The following SGIP1 variants were observed in gnomAD, a reference collection of about 807,000 sequenced individuals.
SGIP1 encodes SH3-containing GRB2-like protein 3-interacting protein 1.
A neutral mutation model predicts 107.5 loss-of-function variants in SGIP1; 38 were observed. The observed-to-expected ratio is 0.35, with a 90% CI of 0.27 to 0.46. SGIP1 has a LOEUF of 0.46. SGIP1 is among the 20% of genes least tolerant of loss of function. The pLI, the probability that SGIP1 is intolerant of heterozygous loss-of-function variation, is 1.00. For synonymous variants in SGIP1, 365 were observed against 366.1 expected (o/e 1.00, Z 0.03); for missense variants, 929 against 1,019.5 (o/e 0.91, Z 1.21).
At chr1:66,711,799 G>C (rs919240944) in intron 18 of SGIP1, among the ~76,000 whole-genome samples, 2 of 151,948 alleles carry the variant, frequency 1.3e-5, no homozygotes, top group South Asian at 4.1e-4. Flanking sequence ...TTCAGATTGT[G>C]TTTTCAGGGT....
intron 18 of SGIP1, among the ~76,000 whole-genome samples, chr1:66,711,004 T>G (rs897985972): frequency 6.6e-6 from 1 of 152,156 alleles, no homozygotes; most frequent in Non-Finnish European, 1.5e-5. Context: ...GTAAAGCTAT[T>G]AACATAATTT....
chr1:66,670,256 C>T (rs2083470870), intron 9 of SGIP1, among the ~76,000 whole-genome samples: 1 of 152,332 alleles, frequency 6.6e-6, no homozygotes, highest in African/African-American at 2.4e-5. Context: ...AATCCTTTTA[C>T]TATCTAAATA....
At chr1:66,720,828 T>C (rs1346563639) in intron 19 of SGIP1, among the ~76,000 whole-genome samples, 4 of 152,220 alleles carry the variant, frequency 2.6e-5, no homozygotes, top group Non-Finnish European at 5.9e-5. Flanking sequence ...GATAATTAAA[T>C]ATAATTAGAA....
chr1:66,680,295 C>T (rs2149973546), intron 14 of SGIP1, among the ~76,000 whole-genome samples: 1 of 152,332 alleles, frequency 6.6e-6, no homozygotes, highest in Admixed American at 6.5e-5. Flanking sequence ...AATTGCTACA[C>T]ACCTGTAGAC....
At chr1:66,689,106 C>T (rs373067169) in intron 15 of SGIP1, 42 bp from the exon 16 acceptor site, 24 of 1,596,120 alleles carry the variant, frequency 1.5e-5, no homozygotes, top group Non-Finnish European at 2.0e-5. Flanking sequence ...GCGCTTTGGC[C>T]CCCTGTGTTT....
At chr1:66,611,856 T>C (rs1229130410) in intron 1 of SGIP1, among the ~76,000 whole-genome samples, 1 of 152,150 alleles carries the variant, frequency 6.6e-6, no homozygotes, top group East Asian at 1.9e-4. Flanking sequence ...GGGAGGAAGA[T>C]GACAGATTCA....
intron 18 of SGIP1, among the ~76,000 whole-genome samples, chr1:66,705,664 C>T (rs550548198): frequency 6.6e-6 from 1 of 152,228 alleles, no homozygotes; most frequent in Admixed American, 6.5e-5. Flanking sequence ...TTTATCAGTC[C>T]CATTGGGAGA....
At chr1:66,554,482 C>G (rs1557866946) in intron 1 of SGIP1, among the ~76,000 whole-genome samples, 1 of 152,004 alleles carries the variant, frequency 6.6e-6, no homozygotes, top group Non-Finnish European at 1.5e-5. Context: ...TCCAAAATGC[C>G]TTAAAATGTG....
chr1:66,719,435 TC>T, intron 19 of SGIP1, 30 bp downstream of exon 19: 1 of 1,569,062 alleles, frequency 6.4e-7, no homozygotes, highest in Non-Finnish European at 8.8e-7. Context: ...CATTGTACTT[TC>T]TGAGTTCTGT....
chr1:66,580,879 G>A (rs977880039), intron 1 of SGIP1, among the ~76,000 whole-genome samples: 3 of 152,024 alleles, frequency 2.0e-5, no homozygotes, highest in African/African-American at 7.2e-5. Context: ...AATCACAAAA[G>A]CAAACATACA....
chr1:66,558,060 C>A (rs2058438869), intron 1 of SGIP1, among the ~76,000 whole-genome samples: 1 of 152,004 alleles, frequency 6.6e-6, no homozygotes, highest in Non-Finnish European at 1.5e-5. Context: ...ATGTGGTAAG[C>A]GTGAATGAAT....
At chr1:66,690,609 G>A in intron 17 of SGIP1, 1 of 246,234 alleles carries the variant, frequency 4.1e-6, no homozygotes, top group Non-Finnish European at 7.6e-6. Flanking sequence ...GGAAGGTCTT[G>A]TAATTTAGAT....
intron 1 of SGIP1, among the ~76,000 whole-genome samples, chr1:66,576,894 A>G (rs958956978): frequency 6.6e-6 from 1 of 152,014 alleles, no homozygotes; most frequent in African/African-American, 2.4e-5. Flanking sequence ...TTTCCCTCCC[A>G]CCTTCTCCCC....
At chr1:66,675,670 G>C (rs2085142290) in intron 12 of SGIP1, among the ~76,000 whole-genome samples, 1 of 149,940 alleles carries the variant, frequency 6.7e-6, no homozygotes, top group African/African-American at 2.5e-5. Context: ...GAGTAGCTGG[G>C]ATCACAGGCA....
intron 18 of SGIP1, among the ~76,000 whole-genome samples, chr1:66,703,926 G>T (rs1478540134): frequency 1.3e-5 from 2 of 151,786 alleles, no homozygotes; most frequent in Non-Finnish European, 2.9e-5. Context: ...TCTGGAATAA[G>T]CCTTCTAGAT....
intron 1 of SGIP1, among the ~76,000 whole-genome samples, chr1:66,552,971 G>A (rs899113784): frequency 2.1e-4 from 32 of 152,230 alleles, no homozygotes; most frequent in African/African-American, 7.0e-4. Flanking sequence ...CCACAGCAGT[G>A]AGTTGGCTGA....
intron 9 of SGIP1, among the ~76,000 whole-genome samples, chr1:66,669,707 C>T (rs1026336975): frequency 1.3e-5 from 2 of 152,090 alleles, no homozygotes; most frequent in African/African-American, 4.8e-5. Flanking sequence ...CTATATGACA[C>T]ACTTAGTAGG....
intron 15 of SGIP1, among the ~76,000 whole-genome samples, chr1:66,683,846 G>A (rs1391031439): frequency 1.3e-5 from 2 of 151,148 alleles, no homozygotes; most frequent in Admixed American, 6.6e-5. Flanking sequence ...TGGGATTATA[G>A]GTGTGTGCCA....
At chr1:66,563,111 A>T (rs1233675283) in intron 1 of SGIP1, among the ~76,000 whole-genome samples, 3 of 152,032 alleles carry the variant, frequency 2.0e-5, no homozygotes, top group Non-Finnish European at 2.9e-5. Flanking sequence ...AAAAAAAATC[A>T]GCTACAAGAG....
Sources: gnomAD v4.1 joint callset for allele counts (sites outside exome capture counted in the v4.1 genomes callset) on GRCh38, gnomAD v4.1.1 for gene constraint, MANE v1.5 for transcripts, NCBI Gene and HGNC (gene_info 2026-07-23, HGNC 2026-07-21) for gene names.